Variants in GABBR1 observed in about 807,000 individuals in gnomAD.
The protein encoded by GABBR1 is GABA-B receptor, R1 subunit.
A neutral mutation model predicts 117.7 loss-of-function variants in GABBR1; 35 were observed. That is an observed-to-expected ratio of 0.30 (90% confidence interval 0.23 to 0.39). The LOEUF is 0.39. GABBR1 is among the 10% of genes least tolerant of loss of function. The pLI, the probability that GABBR1 is intolerant of heterozygous loss-of-function variation, is 1.00. For missense variants in GABBR1, 709 were observed against 1,241.8 expected, an observed-to-expected ratio of 0.57 and a Z score of 6.45; for synonymous variants, 442 against 486.6, an observed-to-expected ratio of 0.91 and a Z score of 1.21.
chr6:29,614,333 G>A (rs149333835), intron 11 of GABBR1, among the ~76,000 whole-genome samples: 1 of 152,210 alleles, frequency 6.6e-6, no homozygotes, highest in Non-Finnish European at 1.5e-5. Context: ...GAAAAGCTTA[G>A]CAACTACTTC....
At chr6:29,629,155 C>A in intron 4 of GABBR1, 48 bp from the exon 5 acceptor site, 1 of 1,610,326 alleles carries the variant, frequency 6.2e-7, no homozygotes, top group Non-Finnish European at 8.5e-7. Flanking sequence ...CACTGGCGCC[C>A]AGCTTCCCTG....
Position 29,609,372 on chromosome 6 carries a change from G to C in GABBR1, c.1716C>G (p.Ser572=), listed in dbSNP as rs549986688. 1 of 1,612,846 alleles carries C rather than the reference G, an allele frequency of 6.2e-7. No homozygotes were observed. Among genetic ancestry groups the C allele is most frequent in the Non-Finnish European group, 8.5e-7 (1 of 1,179,942 alleles). Residue 572 remains serine, a synonymous_variant, in exon 15 of 23, where the codon TCC becomes TCG. Transcript: ENST00000377034. The surrounding 1 kb of genome is among the most constrained non-coding windows in gnomAD (Gnocchi z 4.3). ...TGACCAGGGTCTGGTCAGCTGGGGG[G>C]GACCCTCCTGCATGGCACAGGGGAG... The part of the protein sequence containing the change: ...WSKTDKWIGG[S]PPADQTLVIK...
intron 6 of GABBR1, among the ~76,000 whole-genome samples, chr6:29,626,522 A>G (rs904312067): frequency 2.6e-5 from 4 of 151,864 alleles, no homozygotes; most frequent in African/African-American, 9.7e-5. Flanking sequence ...AAACCTCATT[A>G]TAAGCTATCC....
At chr6:29,626,447 C>T (rs1764277662) in intron 6 of GABBR1, among the ~76,000 whole-genome samples, 1 of 152,050 alleles carries the variant, frequency 6.6e-6, no homozygotes, top group African/African-American at 2.4e-5. Flanking sequence ...CTTAAATCTC[C>T]TTCCCTGTGT....
intron 6 of GABBR1, among the ~76,000 whole-genome samples, chr6:29,626,592 A>G (rs1489673967): frequency 6.6e-6 from 1 of 151,706 alleles, no homozygotes; most frequent in African/African-American, 2.4e-5. Context: ...TCACCTCCCT[A>G]ATCCCTACAT....
rs768460328 is a variant in GABBR1 at position 29,630,552 on chromosome 6, C to T, written c.381G>A (p.Val127=). Reference sequence around the variant, plus strand: ...GGAAGTCGGGGTCACACCGGAAATCCACCCGGGCTCCGTCCAGAGCTGGGA... The same window carrying T: ...GGAAGTCGGGGTCACACCGGAAATCTACCCGGGCTCCGTCCAGAGCTGGGA... The part of the protein sequence containing the change: ...GDLPALDGAR[V]DFRCDPDFHL... Residue 127 remains valine (V), a synonymous_variant, in exon 4 of 23, where the codon GTG becomes GTA. Coordinates refer to ENST00000377034, the MANE Select transcript of GABBR1 (RefSeq NM_001470.4). This position sits in a 1 kb window ranked among gnomAD's most constrained non-coding sequence, Gnocchi z 4.9. 1.2e-6 allele frequency: 2 copies of T among 1,613,078 alleles called. No individual in the cohort carries two copies. Among genetic ancestry groups the T allele is most frequent in the Non-Finnish European group, 1.7e-6 (2 of 1,180,030 alleles).
chr6:29,606,055 T>A lies in GABBR1; in HGVS notation c.2311+336A>T, dbSNP rs1582949923. On this transcript the variant is annotated intron_variant, in intron 19 of 22. Transcript: ENST00000377034. This position sits in a 1 kb window ranked among gnomAD's most constrained non-coding sequence, Gnocchi z 4.5. ...CCAGGCAGAGGGTAGGTTTGCAATT[T>A]GTGACCATGAATCGAACAATGCTAA... 7.7e-6 allele frequency: 4 copies of A among 517,534 alleles called. No homozygotes were observed. The highest frequency in any genetic ancestry group is 1.4e-5 in the Non-Finnish European group (4 of 291,084). 32.1% of individuals were successfully genotyped at this position (517,534 alleles called of 1,614,324 possible).
Position 29,607,083 on chromosome 6 carries a change from G to T in GABBR1, c.2109+19C>A. On this transcript the variant is annotated intron_variant, in intron 17 of 22. Coordinates refer to ENST00000377034, the MANE Select transcript of GABBR1 (RefSeq NM_001470.4). This position sits in a 1 kb window ranked among gnomAD's most constrained non-coding sequence, Gnocchi z 5.0. ...CAGGAGCCAAGGATCTGGGGGCTGA[G>T]GATTGGGCAGCAGCTCACCTTCCTC... 1.9e-6 allele frequency: 3 copies of T among 1,611,020 alleles called. No homozygotes were observed. Among genetic ancestry groups the T allele is most frequent in the Non-Finnish European group, 1.7e-6 (2 of 1,177,174 alleles).
chr6:29,607,226 G>A lies in GABBR1; in HGVS notation c.1993-8C>T, dbSNP rs29267. On this transcript the variant is annotated splice_polypyrimidine_tract_variant and splice_region_variant and intron_variant, in intron 16 of 22. Transcript: ENST00000377034. The surrounding 1 kb of genome is among the most constrained non-coding windows in gnomAD (Gnocchi z 5.0). ...CAGGAGCCAGAGGCGGGCCTAGAAA[G>A]GAAGAGAGGGCACAGGCAGAACAGG... The A allele has an allele frequency of 0.13, 214,634 of 1,609,372 alleles. 16,485 individuals carry two copies. Among genetic ancestry groups the A allele is most frequent in the South Asian group, 0.28 (25,680 of 90,998 alleles).
At chr6:29,618,965 T>C (rs1165386349) in intron 11 of GABBR1, among the ~76,000 whole-genome samples, 1 of 152,152 alleles carries the variant, frequency 6.6e-6, no homozygotes, top group Non-Finnish European at 1.5e-5. Flanking sequence ...AGGGTAGTAG[T>C]TGAAAACCAC....
chr6:29,617,301 C>CTTTTTT (rs373993426), intron 11 of GABBR1, among the ~76,000 whole-genome samples: 37 of 119,852 alleles, frequency 3.1e-4, no homozygotes, highest in South Asian at 8.3e-4. Flanking sequence ...TTCTTTCTTT[C>CTTTTTT]TTTTTTTTTT....
rs897060468 is a variant in GABBR1, at chr6:29,627,760, C to A, written c.497-114G>T. 1.9e-5 allele frequency: 28 copies of A among 1,479,730 alleles called. No individual in the cohort carries two copies. The African/African-American group carries it at 3.1e-4, about 16-fold the overall frequency. 91.7% of individuals were successfully genotyped at this position (1,479,730 alleles called of 1,614,324 possible). A position where few individuals can be genotyped will look rare whatever the true frequency, so the allele number is the denominator to read the frequency against. Reference sequence around the variant, plus strand: ...CACAACCAGAAGCGGCAGTGGCCACCCCACCCGGGCAAAAGGGGCCCCGGG... The same window carrying A: ...CACAACCAGAAGCGGCAGTGGCCACACCACCCGGGCAAAAGGGGCCCCGGG... On this transcript the variant is annotated intron_variant, in intron 5 of 22. Transcript: ENST00000377034. The surrounding 1 kb of genome is among the most constrained non-coding windows in gnomAD (Gnocchi z 4.4).
rs902998595 is a variant in GABBR1 at position 29,613,565 on chromosome 6, A to G, written c.1324-80T>C. 4.7e-6 allele frequency: 7 copies of G among 1,504,662 alleles called. No individual in the cohort carries two copies. Among genetic ancestry groups the G allele is most frequent in the Admixed American group, 1.8e-5 (1 of 54,704 alleles). 93.2% of individuals were successfully genotyped at this position (1,504,662 alleles called of 1,614,324 possible). A position where few individuals can be genotyped will look rare whatever the true frequency, so the allele number is the denominator to read the frequency against. On this transcript the variant is annotated intron_variant, in intron 11 of 22. Coordinates refer to ENST00000377034, the MANE Select transcript of GABBR1 (RefSeq NM_001470.4). This position sits in a 1 kb window ranked among gnomAD's most constrained non-coding sequence, Gnocchi z 4.1. Reference sequence around the variant, plus strand: ...AGGGGTGCAATCCAATTCTGACTCAATCACTTCTACTTGAATGGATGGTTT... The same window carrying G: ...AGGGGTGCAATCCAATTCTGACTCAGTCACTTCTACTTGAATGGATGGTTT...
Position 29,605,383 on chromosome 6 carries a change from A to T in GABBR1, c.2439+186T>A. 2 of 693,442 alleles carry T rather than the reference A, an allele frequency of 2.9e-6. No homozygotes were observed. The highest frequency in any genetic ancestry group is 4.9e-6 in the Non-Finnish European group (2 of 409,018). The allele number at this position is 693,442 out of a possible 1,614,324, so 43.0% of individuals were successfully genotyped here. A position where few individuals can be genotyped will look rare whatever the true frequency, so the allele number is the denominator to read the frequency against. ...ATCTACTTCACTGGGTAGTTGCAAG[A>T]TTAATGATACAATGTCTGTAGTGAG... is the stretch of plus-strand genomic sequence containing the variant. On this transcript the variant is annotated intron_variant, in intron 20 of 22. Coordinates refer to ENST00000377034, the MANE Select transcript of GABBR1 (RefSeq NM_001470.4). The surrounding 1 kb of genome is among the most constrained non-coding windows in gnomAD (Gnocchi z 4.2).
chr6:29,624,227 T>C, intron 6 of GABBR1: 1 of 524,638 alleles, frequency 1.9e-6, no homozygotes, highest in South Asian at 2.7e-5. Flanking sequence ...TTCTCTGTCT[T>C]CCATCTGGAG....
At position 29,611,136 on chromosome 6, in the gene GABBR1, T is replaced by C; in HGVS notation, c.1631-135A>G. On this transcript the variant is annotated intron_variant, in intron 13 of 22. Coordinates refer to ENST00000377034, the MANE Select transcript of GABBR1 (RefSeq NM_001470.4). This position sits in a 1 kb window ranked among gnomAD's most constrained non-coding sequence, Gnocchi z 4.6. ...TTTCACCTGAGGCCCTAAGGATGCT[T>C]GGAAGGACCTACGAGACTCTTGAAT... 1 of 659,852 alleles carries C rather than the reference T, an allele frequency of 1.5e-6. No individual in the cohort carries two copies. The highest frequency in any genetic ancestry group is 2.6e-6 in the Non-Finnish European group (1 of 379,222). 40.9% of individuals were successfully genotyped at this position (659,852 alleles called of 1,614,324 possible). A position where few individuals can be genotyped will look rare whatever the true frequency, so the allele number is the denominator to read the frequency against.
chr6:29,632,143 G>A lies in GABBR1; in HGVS notation c.85+158C>T, dbSNP rs886557550. On this transcript the variant is annotated intron_variant, in intron 2 of 22. Coordinates refer to ENST00000377034, the MANE Select transcript of GABBR1 (RefSeq NM_001470.4). This position sits in a 1 kb window ranked among gnomAD's most constrained non-coding sequence, Gnocchi z 5.8. ...TGGATAGTAACGTGGGGTGACAGAA[G>A]GAGGTCAGCAGTAGTAAAGTCGGGC... Among the ~76,000 whole-genome samples, 1 of 152,242 alleles carries A rather than the reference G, an allele frequency of 6.6e-6. No homozygotes were observed. The highest frequency in any genetic ancestry group is 1.5e-5 in the Non-Finnish European group (1 of 67,992).
In GABBR1 at chr6:29,623,508, C is replaced by A. The variant is rs1763968584; in HGVS notation, c.793-33G>T. On this transcript the variant is annotated intron_variant, in intron 7 of 22. Coordinates refer to ENST00000377034, the MANE Select transcript of GABBR1 (RefSeq NM_001470.4). This position sits in a 1 kb window ranked among gnomAD's most constrained non-coding sequence, Gnocchi z 6.2. ...GCAGGGAGAGTGAGTGCAACAGGGT[C>A]TGTTCACTGAGGACACCAAGAGTGG... is the stretch of plus-strand genomic sequence containing the variant. 1 of 1,605,548 alleles carries A rather than the reference C, an allele frequency of 6.2e-7. No homozygotes were observed. Among genetic ancestry groups the A allele is most frequent in the Non-Finnish European group, 8.5e-7 (1 of 1,174,860 alleles).
At chr6:29,618,759 C>T (rs1310704483) in intron 11 of GABBR1, among the ~76,000 whole-genome samples, 1 of 152,300 alleles carries the variant, frequency 6.6e-6, no homozygotes, top group East Asian at 1.9e-4. Context: ...TTTCTCTAAA[C>T]TAGGGTTTCT....
Sources: gnomAD v4.1 joint callset for allele counts (sites outside exome capture counted in the v4.1 genomes callset) on GRCh38, gnomAD v4.1.1 for gene constraint, Gnocchi (gnomAD v3.1) non-coding constraint, MANE v1.5 for transcripts, NCBI Gene and HGNC (gene_info 2026-07-23, HGNC 2026-07-21) for gene names.